FAM13C: variants seen among roughly 807,000 people sequenced by gnomAD.
FAM13C encodes family with sequence similarity 13 member C.
In FAM13C, 37 loss-of-function variants were observed where a neutral mutation model predicts 73.2. The ratio of observed to expected loss-of-function variants is 0.51; its 90% confidence interval spans 0.39 to 0.67. The LOEUF is 0.67. Among genes scored for constraint, FAM13C ranks in the 30% least tolerant of loss-of-function variants. The probability of loss-of-function intolerance (pLI) is 0.00; values close to 1 mark genes in which losing one functional copy is unlikely to be tolerated. For missense variants in FAM13C, 589 were observed against 715.6 expected (o/e 0.82, Z 2.02); for synonymous variants, 246 against 260.9 (o/e 0.94, Z 0.55).
chr10:59,327,704 G>C (rs1311658571), intron 3 of FAM13C: 1 of 151,562 alleles, frequency 6.6e-6, no homozygotes, highest in Non-Finnish European at 1.5e-5. Flanking sequence ...ATTAAAGTAG[G>C]GTATGTATTC....
At chr10:59,353,827 A>C (rs1404003831) in intron 2 of FAM13C, among the ~76,000 whole-genome samples, 3 of 152,248 alleles carry the variant, frequency 2.0e-5, no homozygotes, top group African/African-American at 4.8e-5. Context: ...GGAGAATCCA[A>C]CAATTACAAT....
At position 59,247,511 on chromosome 10, in the gene FAM13C, T is replaced by C. The variant is rs932151603; in HGVS notation, c.*103A>G. 2 of 1,421,202 alleles carry C rather than the reference T, an allele frequency of 1.4e-6. No homozygotes were observed. The highest frequency in any genetic ancestry group is 1.4e-5 in the African/African-American group (1 of 70,256). 88.0% of individuals were successfully genotyped at this position (1,421,202 alleles called of 1,614,324 possible). On this transcript the variant is annotated 3_prime_UTR_variant, in exon 14 of 14. Transcript: ENST00000618804. ...AAAACAGCTAATACTACCACTAAAG[T>C]GCTTCCATTTTCATTGTGTCAAAAC...
intron 3 of FAM13C, among the ~76,000 whole-genome samples, chr10:59,324,526 A>C (rs186676678): frequency 2.9e-4 from 44 of 151,836 alleles, no homozygotes; most frequent in East Asian, 2.3e-3. Context: ...ACACACACAC[A>C]CCCCACACAC....
In FAM13C at chr10:59,282,057, C is replaced by T. The variant is rs1209518976; in HGVS notation, c.592+1306G>A. ...CTCCTGTTCAATTTTATTTGCCACT[C>T]ATCCAAACATAATGGCCAACAGAGC... On this transcript the variant is annotated intron_variant, in intron 6 of 13. Transcript: ENST00000618804. 4.6e-5 allele frequency: 7 copies of T among 152,288 alleles called. 1 individual carries two copies. In the East Asian group the frequency reaches 1.2e-3, roughly 25 times the overall value. 9.4% of individuals were successfully genotyped at this position (152,288 alleles called of 1,614,324 possible). A position where few individuals can be genotyped will look rare whatever the true frequency, so the allele number is the denominator to read the frequency against.
chr10:59,321,355 C>T lies in FAM13C; in HGVS notation c.443+2633G>A, dbSNP rs548204821. 2.0e-5 allele frequency among the ~76,000 whole-genome samples: 3 copies of T among 149,722 alleles called. No homozygotes were observed. The South Asian group carries it at 6.4e-4, about 32-fold the overall frequency. On this transcript the variant is annotated intron_variant, in intron 4 of 13. Transcript: ENST00000618804. ...ATAAGCCATGGAATGTGGGCAGCCT[C>T]TGGAAACTGGAAAAGGTATGGAAAT...
At chr10:59,310,365 C>A (rs1340227671) in intron 4 of FAM13C, among the ~76,000 whole-genome samples, 1 of 152,104 alleles carries the variant, frequency 6.6e-6, no homozygotes, top group Admixed American at 6.5e-5. Flanking sequence ...TATATACAAA[C>A]AATAGCTCTA....
chr10:59,280,028 A>G (rs975295692), intron 6 of FAM13C, among the ~76,000 whole-genome samples: 6 of 152,146 alleles, frequency 3.9e-5, no homozygotes, highest in Admixed American at 2.0e-4. Context: ...CACTAATCCC[A>G]TGGCTTAATC....
intron 6 of FAM13C, among the ~76,000 whole-genome samples, chr10:59,283,158 G>A (rs183267451): frequency 3.9e-4 from 59 of 152,210 alleles, no homozygotes; most frequent in African/African-American, 1.3e-3. Flanking sequence ...ACTCTTGGCC[G>A]CATCTAGACA....
chr10:59,312,398 G>A (rs1002653086), intron 4 of FAM13C, among the ~76,000 whole-genome samples: 16 of 152,044 alleles, frequency 1.1e-4, no homozygotes, highest in Non-Finnish European at 1.9e-4. Flanking sequence ...TCCTTCACCT[G>A]TCATCTTCCC....
chr10:59,314,285 T>C (rs1004342857), intron 4 of FAM13C, among the ~76,000 whole-genome samples: 4 of 152,190 alleles, frequency 2.6e-5, no homozygotes, highest in African/African-American at 4.8e-5. Flanking sequence ...GCAACATTAA[T>C]CTTCCGAGCC....
chr10:59,354,928 A>G (rs1041732008), intron 2 of FAM13C, among the ~76,000 whole-genome samples: 2 of 151,676 alleles, frequency 1.3e-5, no homozygotes, highest in African/African-American at 4.8e-5. Flanking sequence ...TCTACCCTCT[A>G]TTGGCTTTCC....
intron 3 of FAM13C, among the ~76,000 whole-genome samples, chr10:59,334,573 C>G (rs956064533): frequency 6.6e-6 from 1 of 152,190 alleles, no homozygotes; most frequent in South Asian, 2.1e-4. Flanking sequence ...GAATACTGTG[C>G]AGCCATAAAA....
At chr10:59,316,252 T>C (rs1173019699) in intron 4 of FAM13C, among the ~76,000 whole-genome samples, 1 of 152,198 alleles carries the variant, frequency 6.6e-6, no homozygotes, top group East Asian at 1.9e-4. Flanking sequence ...TAAAAATTTA[T>C]ATCTTAAGTT....
chr10:59,255,487 T>G (rs1841866415), intron 10 of FAM13C, among the ~76,000 whole-genome samples: 1 of 152,016 alleles, frequency 6.6e-6, no homozygotes, highest in Admixed American at 6.6e-5. Context: ...CTTGCATTGG[T>G]TTTTTCCTGC....
At chr10:59,282,199 TA>T (rs1182575475) in intron 6 of FAM13C, 2 of 152,234 alleles carry the variant, frequency 1.3e-5, no homozygotes, top group African/African-American at 4.8e-5. Flanking sequence ...AGAATGGTAG[TA>T]CTTCACAGGT....
intron 8 of FAM13C, 33 bp from the exon 9 acceptor site, chr10:59,264,199 G>A (rs1333207256): frequency 6.9e-7 from 1 of 1,455,856 alleles, no homozygotes; most frequent in Non-Finnish European, 9.6e-7. Flanking sequence ...GGGGTGGAAG[G>A]GAGGGAAGGA....
rs1430006753 is a variant in FAM13C at position 59,247,501 on chromosome 10, ACCACT to A, written c.*108_*112del. The A allele has an allele frequency of 6.1e-6, 8 of 1,303,714 alleles. No homozygotes were observed. In the East Asian group the frequency reaches 1.9e-4, roughly 30 times the overall value. 80.8% of individuals were successfully genotyped at this position (1,303,714 alleles called of 1,614,324 possible). A position where few individuals can be genotyped will look rare whatever the true frequency, so the allele number is the denominator to read the frequency against. On this transcript the variant is annotated 3_prime_UTR_variant, in exon 14 of 14. Coordinates refer to ENST00000618804, the MANE Select transcript of FAM13C (RefSeq NM_198215.4). The stretch of plus-strand genomic sequence containing the variant: ...TTCCTTCTTAAAAACAGCTAATACT[ACCACT>A]AAAGTGCTTCCATTTTCATTGTGTC...
At chr10:59,275,653 T>C (rs982149730) in intron 6 of FAM13C, among the ~76,000 whole-genome samples, 1 of 152,234 alleles carries the variant, frequency 6.6e-6, no homozygotes, top group Non-Finnish European at 1.5e-5. Context: ...GTAATGACTA[T>C]AGGCTACTGG....
At position 59,256,484 on chromosome 10, in the gene FAM13C, A is replaced by G. The variant is rs183811766; in HGVS notation, c.1237-2041T>C. On this transcript the variant is annotated intron_variant, in intron 10 of 13. Transcript: ENST00000618804. ...CACAGATGCCAGACAAAAATTCGGG[A>G]ACAAGTACAATGTATGCACTCCTTT... Among the ~76,000 whole-genome samples, 20 of 152,326 alleles carry G rather than the reference A, an allele frequency of 1.3e-4. 1 individual carries two copies. In the East Asian group the frequency reaches 3.9e-3, roughly 29 times the overall value.
Sources: gnomAD v4.1 joint callset for allele counts (sites outside exome capture counted in the v4.1 genomes callset) on GRCh38, gnomAD v4.1.1 for gene constraint, MANE v1.5 for transcripts, NCBI Gene and HGNC (gene_info 2026-07-23, HGNC 2026-07-21) for gene names.